Variants in GRIN2A observed in about 807,000 individuals in gnomAD.
The protein encoded by GRIN2A is glutamate ionotropic receptor NMDA type subunit 2A.
A neutral mutation model predicts 113.4 loss-of-function variants in GRIN2A; 22 were observed. The observed-to-expected ratio is 0.19, with a 90% confidence interval of 0.14 to 0.28. The LOEUF is 0.28. GRIN2A is among the 10% of genes least tolerant of loss of function. GRIN2A has a pLI of 1.00. For synonymous variants in GRIN2A, 827 were observed against 738.4 expected (o/e 1.12, Z -1.94); for missense variants, 1,502 against 1,887.0 (o/e 0.80, Z 3.78).
intron 10 of GRIN2A, among the ~76,000 whole-genome samples, chr16:9,817,516 T>C (rs2042207388): frequency 6.6e-6 from 1 of 152,230 alleles, no homozygotes; most frequent in African/African-American, 2.4e-5. Flanking sequence ...ATATGTGGTT[T>C]GTCTGAGTCT....
intron 2 of GRIN2A, among the ~76,000 whole-genome samples, chr16:10,156,809 C>T (rs117578872): frequency 0.013 from 1,966 of 152,254 alleles, 22 homozygotes; most frequent in Non-Finnish European, 0.021. Flanking sequence ...TTATTTCATT[C>T]GATCCTAATA....
chr16:10,073,693 A>C (rs902346260), intron 2 of GRIN2A, among the ~76,000 whole-genome samples: 6 of 152,080 alleles, frequency 3.9e-5, no homozygotes, highest in Admixed American at 1.3e-4. Flanking sequence ...ACTATTAAGA[A>C]GTGAAAATAC....
chr16:9,975,009 T>A (rs926831831), intron 2 of GRIN2A, among the ~76,000 whole-genome samples: 2 of 152,178 alleles, frequency 1.3e-5, no homozygotes, highest in Admixed American at 6.5e-5. Context: ...TATACTTCTA[T>A]CATGAAAACA....
At chr16:9,865,364 A>G (rs932882135) in intron 4 of GRIN2A, among the ~76,000 whole-genome samples, 1 of 152,162 alleles carries the variant, frequency 6.6e-6, no homozygotes, top group Non-Finnish European at 1.5e-5. Flanking sequence ...TGAGAGCCCT[A>G]TGGAGCCACT....
intron 2 of GRIN2A, among the ~76,000 whole-genome samples, chr16:10,048,447 A>G (rs2047296542): frequency 2.0e-5 from 3 of 152,238 alleles, no homozygotes; most frequent in Admixed American, 6.5e-5. Context: ...AACAGCAAAA[A>G]GAAAACTTCT....
chr16:9,972,328 A>G (rs1388423681), intron 2 of GRIN2A, among the ~76,000 whole-genome samples: 1 of 152,192 alleles, frequency 6.6e-6, no homozygotes, highest in Non-Finnish European at 1.5e-5. Flanking sequence ...GTGCTAGTAC[A>G]ATTCAAAATT....
chr16:10,049,746 C>T (rs1423377537), intron 2 of GRIN2A, among the ~76,000 whole-genome samples: 2 of 152,156 alleles, frequency 1.3e-5, no homozygotes, highest in Admixed American at 6.5e-5. Context: ...TAGCACCCTC[C>T]AATACATTAT....
chr16:10,173,739 G>C (rs1456436907), intron 2 of GRIN2A, among the ~76,000 whole-genome samples: 1 of 152,164 alleles, frequency 6.6e-6, no homozygotes, highest in Non-Finnish European at 1.5e-5. Context: ...TAAAATAATT[G>C]TGGTATGAAC....
At chr16:10,141,504 T>C (rs1294861467) in intron 2 of GRIN2A, among the ~76,000 whole-genome samples, 1 of 151,600 alleles carries the variant, frequency 6.6e-6, no homozygotes, top group Non-Finnish European at 1.5e-5. Context: ...TGAAATAAAA[T>C]AAAATAAAAA....
chr16:9,809,290 C>T (rs2042040510), intron 10 of GRIN2A, among the ~76,000 whole-genome samples: 1 of 152,038 alleles, frequency 6.6e-6, no homozygotes, highest in Non-Finnish European at 1.5e-5. Context: ...CGTCATGGCG[C>T]ACCCCTGTAG....
In GRIN2A at chr16:9,760,896, C is replaced by A. The variant is rs1900553621; in HGVS notation, c.*2253G>T. 1 of 232,516 alleles carries A rather than the reference C, an allele frequency of 4.3e-6. No homozygotes were observed. Among genetic ancestry groups the A allele is most frequent in the Non-Finnish European group, 8.5e-6 (1 of 117,664 alleles). The allele number at this position is 232,516 out of a possible 1,614,324, so 14.4% of individuals were successfully genotyped here. A position where few individuals can be genotyped will look rare whatever the true frequency, so the allele number is the denominator to read the frequency against. The stretch of plus-strand genomic sequence containing the variant: ...CTGGAAGGGCAGAAGGTAGAAAGGG[C>A]TAAAAGGCTACACAGTCATGGAGAT... On this transcript the variant is annotated 3_prime_UTR_variant, in exon 13 of 13. Transcript: ENST00000330684.
chr16:10,006,741 T>C (rs1015406602), intron 2 of GRIN2A, among the ~76,000 whole-genome samples: 1 of 151,880 alleles, frequency 6.6e-6, no homozygotes, highest in African/African-American at 2.4e-5. Context: ...CTTAACTATA[T>C]TTTTTACCCA....
intron 2 of GRIN2A, among the ~76,000 whole-genome samples, chr16:10,049,908 G>A (rs927226090): frequency 6.6e-6 from 1 of 152,146 alleles, no homozygotes; most frequent in African/African-American, 2.4e-5. Context: ...GAATCTCCTG[G>A]AATCTTTCTG....
chr16:9,824,220 G>C (rs1450716703), intron 9 of GRIN2A, among the ~76,000 whole-genome samples: 2 of 152,194 alleles, frequency 1.3e-5, no homozygotes. Context: ...TGCCCTGGGA[G>C]TATGTGCGTC....
intron 11 of GRIN2A, among the ~76,000 whole-genome samples, chr16:9,788,711 G>T (rs2141202285): frequency 6.7e-6 from 1 of 148,354 alleles, no homozygotes; most frequent in South Asian, 2.2e-4. Flanking sequence ...CCTTCTCTTA[G>T]GAGAACTGGA....
At chr16:9,968,296 G>A (rs2045599428) in intron 2 of GRIN2A, among the ~76,000 whole-genome samples, 1 of 149,628 alleles carries the variant, frequency 6.7e-6, no homozygotes, top group Non-Finnish European at 1.5e-5. Flanking sequence ...ATGTATGTAT[G>A]TATGTATGTA....
chr16:10,091,815 A>C (rs973750870), intron 2 of GRIN2A, among the ~76,000 whole-genome samples: 1 of 152,188 alleles, frequency 6.6e-6, no homozygotes, highest in African/African-American at 2.4e-5. Flanking sequence ...TTTCCAGAAA[A>C]GGAAAATCTA....
chr16:10,037,581 C>A (rs1185962969), intron 2 of GRIN2A, among the ~76,000 whole-genome samples: 1 of 152,144 alleles, frequency 6.6e-6, no homozygotes, highest in Non-Finnish European at 1.5e-5. Flanking sequence ...CAAGGGTCTT[C>A]ATTCATCTCC....
intron 3 of GRIN2A, among the ~76,000 whole-genome samples, chr16:9,905,202 G>A (rs1425672869): frequency 6.6e-6 from 1 of 152,166 alleles, no homozygotes; most frequent in Non-Finnish European, 1.5e-5. Flanking sequence ...GAGTTTAAGG[G>A]AAAGGCAGAT....
Sources: gnomAD v4.1 joint callset for allele counts (sites outside exome capture counted in the v4.1 genomes callset) on GRCh38, gnomAD v4.1.1 for gene constraint, MANE v1.5 for transcripts, NCBI Gene and HGNC (gene_info 2026-07-23, HGNC 2026-07-21) for gene names.